ZFP64: variants seen among roughly 807,000 people sequenced by gnomAD.
ZFP64 encodes zinc finger protein 64.
Under a neutral mutation model 51.6 loss-of-function variants are expected in ZFP64, and 14 were observed. The ratio of observed to expected loss-of-function variants is 0.27; its 90% CI spans 0.18 to 0.42. ZFP64 has a LOEUF of 0.42. Among genes scored for constraint, ZFP64 ranks in the 10% least tolerant of loss-of-function variants. The pLI, the probability that ZFP64 is intolerant of heterozygous loss-of-function variation, is 1.00. For missense variants in ZFP64, 754 were observed against 906.8 expected, an observed-to-expected ratio of 0.83 and a Z score of 2.16; for synonymous variants, 375 against 361.4, an observed-to-expected ratio of 1.04 and a Z score of -0.43.
At chr20:52,105,397 G>C in intron 5 of ZFP64, 1 of 1,229,996 alleles carries the variant, frequency 8.1e-7, no homozygotes, top group Non-Finnish European at 1.0e-6. Flanking sequence ...CCTGACGGCT[G>C]ATTGGCCTGG....
At chr20:52,148,991 A>G (rs1157165345), downstream of ZFP64, among the ~76,000 whole-genome samples, 1 of 152,206 alleles carries the variant, frequency 6.6e-6, no homozygotes, top group East Asian at 1.9e-4. Flanking sequence ...CCAACTTCCC[A>G]ACAACCAAAA....
chr20:52,088,413 C>T (rs373948550), exon 8 of ZFP64: 13 of 1,613,772 alleles, frequency 8.1e-6, no homozygotes, highest in African/African-American at 2.7e-5. Context: ...CGCAGGTGGA[C>T]GGTGAGCTGG....
chr20:52,088,318 G>A (rs1477991805), intron 8 of ZFP64: 3 of 1,570,872 alleles, frequency 1.9e-6, no homozygotes, highest in Non-Finnish European at 2.6e-6. Context: ...TAAGTTGCTT[G>A]TGTTGTTAAG....
intron 2 of ZFP64, among the ~76,000 whole-genome samples, chr20:52,182,094 G>T (rs1157056062): frequency 2.6e-5 from 4 of 152,120 alleles, no homozygotes; most frequent in Non-Finnish European, 4.4e-5. Flanking sequence ...CCCTTTATGT[G>T]GATTATCGCA....
rs145864180 is a variant in ZFP64 at position 52,154,030 on chromosome 20, A to AT, written c.764-603dup. 9.3e-3 allele frequency among the ~76,000 whole-genome samples: 1,422 copies of AT among 152,146 alleles called. 22 individuals carry two copies. The highest frequency in any genetic ancestry group is 0.032 in the African/African-American group (1,339 of 41,486). ...TGAAGTTACAAAATCCAGCTGCTTG[A>AT]TTTTTTTTAAAAAAAATTCATATTC... On this transcript the variant is annotated intron_variant, in intron 5 of 5. Transcript: ENST00000216923.
At chr20:52,138,202 CA>C (rs989441455) in intron 5 of ZFP64, among the ~76,000 whole-genome samples, 31 of 150,934 alleles carry the variant, frequency 2.1e-4, no homozygotes, top group African/African-American at 7.3e-5. Flanking sequence ...GACCCTATCT[CA>C]AAAAAACAAC....
chr20:52,166,695 A>G (rs1982304246), intron 2 of ZFP64, among the ~76,000 whole-genome samples: 1 of 152,046 alleles, frequency 6.6e-6, no homozygotes, highest in Non-Finnish European at 1.5e-5. Flanking sequence ...AGCTCAAGTG[A>G]TCTACCTGTC....
intron 5 of ZFP64, among the ~76,000 whole-genome samples, chr20:52,128,173 T>C (rs972775600): frequency 6.6e-6 from 1 of 152,218 alleles, no homozygotes; most frequent in Non-Finnish European, 1.5e-5. Context: ...ATGTGGTGGC[T>C]CACGCCTCTA....
At chr20:52,090,410 A>T (rs974760031) in intron 7 of ZFP64, among the ~76,000 whole-genome samples, 2 of 152,212 alleles carry the variant, frequency 1.3e-5, no homozygotes, top group African/African-American at 4.8e-5. Context: ...CCAGAAAAAA[A>T]AATAAGGGTG....
At position 52,158,662 on chromosome 20, in the gene ZFP64, C is replaced by A. The variant is rs111949704; in HGVS notation, c.763+1461G>T. Among the ~76,000 whole-genome samples, 934 of 152,144 alleles carry A rather than the reference C, an allele frequency of 6.1e-3. 8 individuals carry two copies. The highest frequency in any genetic ancestry group is 0.017 in the African/African-American group (725 of 41,496). On this transcript the variant is annotated intron_variant, in intron 5 of 5. Coordinates refer to ENST00000216923, the MANE Select transcript of ZFP64 (RefSeq NM_018197.3). Reference sequence around the variant, plus strand: ...CAGAGGTTGCAGTGAGCTGAGATCACGCCACTGCACTCCAGCCTGGGCAAC... The same window carrying A: ...CAGAGGTTGCAGTGAGCTGAGATCAAGCCACTGCACTCCAGCCTGGGCAAC...
At chr20:52,138,508 T>A (rs1396704190) in intron 5 of ZFP64, among the ~76,000 whole-genome samples, 1 of 151,848 alleles carries the variant, frequency 6.6e-6, no homozygotes, top group East Asian at 1.9e-4. Flanking sequence ...ACTTAGAATG[T>A]TATTATGAGA....
rs538756801 is a variant in ZFP64 at position 52,105,064 on chromosome 20, C to T, written c.764-6477G>A. On this transcript the variant is annotated intron_variant, in intron 5 of 8. Transcript: ENST00000361387. ...GTCCCCTGCCCGGTCCTCGTACCCGCGCGGGTCCGGAGAACCTCTGAGCAC... is the reference window on the plus strand; with the variant it reads ...GTCCCCTGCCCGGTCCTCGTACCCGTGCGGGTCCGGAGAACCTCTGAGCAC... The T allele has an allele frequency of 1.6e-5, 22 of 1,394,424 alleles. No homozygotes were observed. The South Asian group carries it at 3.2e-4, about 20-fold the overall frequency. The allele number at this position is 1,394,424 out of a possible 1,614,324, so 86.4% of individuals were successfully genotyped here.
At chr20:52,140,162 T>A (rs1980188670) in intron 5 of ZFP64, among the ~76,000 whole-genome samples, 1 of 152,118 alleles carries the variant, frequency 6.6e-6, no homozygotes, top group African/African-American at 2.4e-5. Flanking sequence ...TCTCCCTCTA[T>A]TTGAGCTTCC....
At chr20:52,105,380 CAA>C (rs1010943940) in intron 5 of ZFP64, 101 of 1,237,386 alleles carry the variant, frequency 8.2e-5, no homozygotes, top group Admixed American at 1.7e-4. Context: ...GGCGATTTAT[CAA>C]GAGTCCTGAC....
intron 2 of ZFP64, among the ~76,000 whole-genome samples, chr20:52,173,638 A>G (rs1982931756): frequency 6.7e-6 from 1 of 149,242 alleles, no homozygotes; most frequent in Non-Finnish European, 1.5e-5. Flanking sequence ...GGCAATATAC[A>G]TCCTTGCTTT....
chr20:52,152,777 G>A lies in ZFP64; in HGVS notation c.1415C>T (p.Ala472Val). Residue 472 changes from alanine (A) to valine (V), a missense_variant, in exon 6 of 6, where the codon GCC becomes GTC. Around this residue, in one of 3 missense-constraint regions of ZFP64, gnomAD observed 428 missense variants for 472.4 expected, o/e 0.91. Coordinates refer to ENST00000216923, the MANE Select transcript of ZFP64 (RefSeq NM_018197.3). ...QFQIDPSKQP[A>V]TPLTVGHLQV... is the part of the protein sequence containing the mutation. The stretch of plus-strand genomic sequence containing the variant: ...GAGGTGTCCCACAGTGAGGGGCGTG[G>A]CGGGCTGCTTGCTGGGGTCGATCTG... The A allele has an allele frequency of 1.9e-6, 3 of 1,605,762 alleles. No homozygotes were observed. Among genetic ancestry groups the A allele is most frequent in the Non-Finnish European group, 2.6e-6 (3 of 1,174,222 alleles).
intron 5 of ZFP64, chr20:52,105,522 G>T (rs1972957343): frequency 2.7e-6 from 1 of 365,142 alleles, no homozygotes; most frequent in Non-Finnish European, 4.7e-6. Context: ...CGCTGAATCA[G>T]AATCTGCATT....
At chr20:52,113,422 CTTTTTTTTTTTTTT>C (rs936439409) in intron 5 of ZFP64, among the ~76,000 whole-genome samples, 1 of 96,528 alleles carries the variant, frequency 1.0e-5, no homozygotes, top group African/African-American at 4.1e-5. Flanking sequence ...GCCAGGAATT[CTTTTTTTTTTTTTT>C]TTTTTTTTTG....
At position 52,191,743 on chromosome 20, in the gene ZFP64, C is replaced by T; in HGVS notation, c.-107G>A. ...TTATTTTTCCACACCCCCCACCCTG[C>T]CTTCTCCCAACTCTGCGAGGCGGGG... is the stretch of plus-strand genomic sequence containing the variant. On this transcript the variant is annotated 5_prime_UTR_variant, in exon 1 of 6. Transcript: ENST00000216923. This position sits in a 1 kb window ranked among gnomAD's most constrained non-coding sequence, Gnocchi z 4.3. The T allele has an allele frequency of 7.5e-7, 1 of 1,337,556 alleles. No individual in the cohort carries two copies. The highest frequency in any genetic ancestry group is 1.6e-5 in the South Asian group (1 of 62,644). 82.9% of individuals were successfully genotyped at this position (1,337,556 alleles called of 1,614,324 possible).
Sources: gnomAD v4.1 joint callset for allele counts (sites outside exome capture counted in the v4.1 genomes callset) on GRCh38, gnomAD v4.1.1 for gene constraint, gnomAD v4.1.1 regional missense constraint, Gnocchi (gnomAD v3.1) non-coding constraint, MANE v1.5 for transcripts, NCBI Gene and HGNC (gene_info 2026-07-23, HGNC 2026-07-21) for gene names.